The following ITGA2 variants were observed in gnomAD, a reference collection of about 807,000 sequenced individuals.
ITGA2 encodes the protein integrin alpha-2.
In ITGA2, 101 loss-of-function variants were observed where a neutral mutation model predicts 146.3. That is an observed-to-expected ratio of 0.69 (90% CI 0.59 to 0.81). The LOEUF (loss-of-function observed/expected upper bound fraction) is 0.81, where lower values mean the gene tolerates loss of function less well. ITGA2 is among the 40% of genes least tolerant of loss of function. The pLI is 0.00. For missense variants in ITGA2, 1,281 were observed against 1,402.7 expected (o/e 0.91, Z 1.39); for synonymous variants, 477 against 487.1 (o/e 0.98, Z 0.27).
At chr5:53,026,937 C>T in intron 2 of ITGA2, 69 bp downstream of exon 2, 1 of 1,413,402 alleles carries the variant, frequency 7.1e-7, no homozygotes, top group Non-Finnish European at 9.9e-7. Flanking sequence ...ACTTCAATTG[C>T]TTTTTCAAAT....
At chr5:53,001,385 C>T (rs912211311) in intron 1 of ITGA2, among the ~76,000 whole-genome samples, 1 of 152,102 alleles carries the variant, frequency 6.6e-6, no homozygotes, top group Non-Finnish European at 1.5e-5. Flanking sequence ...GTTACCCAGA[C>T]AATTCATTCA....
intron 10 of ITGA2, among the ~76,000 whole-genome samples, chr5:53,059,008 C>T (rs948327228): frequency 2.0e-5 from 3 of 151,960 alleles, no homozygotes; most frequent in African/African-American, 7.2e-5. Flanking sequence ...CTCTTATCCT[C>T]AAAGTAGAAC....
chr5:53,064,589 C>A (rs1395503354), intron 13 of ITGA2, among the ~76,000 whole-genome samples: 2 of 151,908 alleles, frequency 1.3e-5, no homozygotes, highest in African/African-American at 4.8e-5. Flanking sequence ...GTCACCCAGG[C>A]TGTAGTGCAC....
At chr5:53,074,049 A>T (rs1389103909) in intron 20 of ITGA2, among the ~76,000 whole-genome samples, 2 of 151,966 alleles carry the variant, frequency 1.3e-5, no homozygotes, top group Non-Finnish European at 2.9e-5. Flanking sequence ...TAAATTGAGA[A>T]GAACATATTC....
intron 1 of ITGA2, among the ~76,000 whole-genome samples, chr5:53,017,934 G>T (rs1163425427): frequency 6.6e-6 from 1 of 152,204 alleles, no homozygotes; most frequent in Non-Finnish European, 1.5e-5. Context: ...GGCTGGGGGA[G>T]GCTGCAGGTA....
At position 53,094,355 on chromosome 5, in the gene ITGA2, G is replaced by T. The variant is rs900127661; in HGVS notation, c.*3756G>T. 6.6e-6 allele frequency: 1 copy of T among 150,958 alleles called. No individual in the cohort carries two copies. Among genetic ancestry groups the T allele is most frequent in the African/African-American group, 2.4e-5 (1 of 41,158 alleles). 9.4% of individuals were successfully genotyped at this position (150,958 alleles called of 1,614,324 possible). ...TAAAGACTGAAACTGTAGCCATTAT[G>T]TAAATAAAGTTTCATATGTACCTGT... On this transcript the variant is annotated 3_prime_UTR_variant, in exon 30 of 30. Coordinates refer to ENST00000296585, the MANE Select transcript of ITGA2 (RefSeq NM_002203.4).
chr5:53,072,366 A>G (rs1309034619), intron 18 of ITGA2, among the ~76,000 whole-genome samples: 2 of 151,890 alleles, frequency 1.3e-5, no homozygotes, highest in Non-Finnish European at 2.9e-5. Flanking sequence ...TTACCAATAC[A>G]TATGAAGCTC....
rs1335908157 is a variant in ITGA2 at position 52,989,494 on chromosome 5, C to T, written c.26C>T (p.Ala9Val). The T allele has an allele frequency of 5.0e-6, 8 of 1,614,016 alleles. No individual in the cohort carries two copies. The highest frequency in any genetic ancestry group is 6.8e-6 in the Non-Finnish European group (8 of 1,180,008). The change falls in exon 1 of 30, where the codon GCG becomes GTG. Residue 9 changes from alanine to valine, a missense_variant. Transcript: ENST00000296585. MGPERTGA[A>V]PLPLLLVLAL... ...ATGGGGCCAGAACGGACAGGGGCCG[C>T]GCCGCTGCCGCTGCTGCTGGTGTTA...
chr5:53,075,633 T>C (rs1189417939), intron 23 of ITGA2, among the ~76,000 whole-genome samples: 1 of 151,998 alleles, frequency 6.6e-6, no homozygotes, highest in East Asian at 1.9e-4. Context: ...TCAAAGGTCC[T>C]GAGAGTTGTC....
At chr5:53,003,198 A>T (rs781570402) in intron 1 of ITGA2, among the ~76,000 whole-genome samples, 1 of 152,098 alleles carries the variant, frequency 6.6e-6, no homozygotes, top group East Asian at 1.9e-4. Flanking sequence ...ATTACAATCC[A>T]TTTTCACTTG....
intron 7 of ITGA2, 70 bp downstream of exon 7, chr5:53,051,629 A>C (rs1744371229): frequency 6.9e-7 from 1 of 1,445,888 alleles, no homozygotes; most frequent in Admixed American, 1.7e-5. Flanking sequence ...TAAATATGAA[A>C]AAGTAAGGAA....
At chr5:53,076,358 A>G (rs138796431) in intron 23 of ITGA2, among the ~76,000 whole-genome samples, 157 of 152,162 alleles carry the variant, frequency 1.0e-3, no homozygotes, top group African/African-American at 3.5e-3. Flanking sequence ...TCTCTGAGCA[A>G]AAACAAAAAG....
At chr5:53,074,276 A>G in intron 20 of ITGA2, 109 bp from the exon 21 acceptor site, 1 of 826,894 alleles carries the variant, frequency 1.2e-6, no homozygotes, top group Non-Finnish European at 2.1e-6. Context: ...TTTCAGTATG[A>G]ACCAACCTTA....
At chr5:53,061,957 T>C (rs2111965507) in intron 12 of ITGA2, among the ~76,000 whole-genome samples, 1 of 152,066 alleles carries the variant, frequency 6.6e-6, no homozygotes, top group East Asian at 1.9e-4. Context: ...AAAGAAGTTC[T>C]TCTTTAATTT....
chr5:52,992,895 T>A (rs1365907719), intron 1 of ITGA2, among the ~76,000 whole-genome samples: 2 of 151,490 alleles, frequency 1.3e-5, no homozygotes, highest in Non-Finnish European at 3.0e-5. Flanking sequence ...AAATACACAT[T>A]CACACACACA....
chr5:53,067,393 A>G (rs1356386644), intron 16 of ITGA2, 136 bp downstream of exon 16: 19 of 878,146 alleles, frequency 2.2e-5, no homozygotes, highest in Non-Finnish European at 2.4e-5. Context: ...CTTACACTGG[A>G]GATGCCCGAG....
chr5:53,055,683 A>T lies in ITGA2; in HGVS notation c.925A>T (p.Ile309Leu), dbSNP rs749281806. ...CNHDNILRFG[I>L]AVLGYLNRNA... ...CCATGACAATATACTGAGGTTTGGC[A>T]TAGCAGTAAGTGGCTTTTCTTTTCA... The change falls in exon 8 of 30, where the codon ATA becomes TTA. Residue 309 changes from isoleucine to leucine, a missense_variant. Transcript: ENST00000296585. 6 of 1,613,160 alleles carry T rather than the reference A, an allele frequency of 3.7e-6. No homozygotes were observed. The highest frequency in any genetic ancestry group is 4.5e-5 in the East Asian group (2 of 44,836).
chr5:53,062,319 C>A (rs1273302083), intron 12 of ITGA2, among the ~76,000 whole-genome samples: 1 of 151,876 alleles, frequency 6.6e-6, no homozygotes, highest in East Asian at 1.9e-4. Flanking sequence ...TTGGGACTTG[C>A]CTCTATTACA....
intron 7 of ITGA2, among the ~76,000 whole-genome samples, chr5:53,052,501 A>G (rs1744419446): frequency 6.6e-6 from 1 of 151,832 alleles, no homozygotes; most frequent in South Asian, 2.1e-4. Flanking sequence ...CCTTAAACCT[A>G]TTCTCTCTCT....
Sources: allele counts gnomAD v4.1 joint callset (sites outside exome capture counted in the v4.1 genomes callset), GRCh38; gene constraint gnomAD v4.1.1; transcripts MANE v1.5; gene names NCBI Gene and HGNC (gene_info 2026-07-23, HGNC 2026-07-21).